The following PTPRD variants were observed in gnomAD, a reference collection of about 807,000 sequenced individuals.
The protein encoded by PTPRD is receptor-type tyrosine-protein phosphatase delta.
A neutral mutation model predicts 214.5 loss-of-function variants in PTPRD; 34 were observed. The observed-to-expected ratio is 0.16, with a 90% CI of 0.12 to 0.21. PTPRD has a LOEUF of 0.21. PTPRD is among the 10% of genes least tolerant of loss of function. The pLI is 1.00. For synonymous variants in PTPRD, 1,128 were observed against 845.7 expected (o/e 1.33, Z -5.79); for missense variants, 2,545 against 2,398.7 (o/e 1.06, Z -1.27).
chr9:9,983,736 C>A (rs546478357), intron 4 of PTPRD, among the ~76,000 whole-genome samples: 1 of 152,292 alleles, frequency 6.6e-6, no homozygotes, highest in East Asian at 1.9e-4. Flanking sequence ...ATGTGATCAA[C>A]AATTTGAAAA....
chr9:8,452,449 T>C lies in PTPRD; in HGVS notation c.3876-2612A>G, dbSNP rs1003998827. Among the ~76,000 whole-genome samples the C allele has an allele frequency of 5.3e-5, 8 of 152,216 alleles. No individual in the cohort carries two copies. In the East Asian group the frequency reaches 7.7e-4, roughly 15 times the overall value. ...CGTTGTCATAAAATATTAAAAGACATATAATGGTCTAAATTAGGCCCAACA... is the reference window on the plus strand; with the variant it reads ...CGTTGTCATAAAATATTAAAAGACACATAATGGTCTAAATTAGGCCCAACA... On this transcript the variant is annotated intron_variant, in intron 33 of 45. Coordinates refer to ENST00000381196, the MANE Select transcript of PTPRD (RefSeq NM_002839.4).
chr9:9,730,423 A>G (rs974233158), intron 7 of PTPRD, among the ~76,000 whole-genome samples: 1 of 152,088 alleles, frequency 6.6e-6, no homozygotes, highest in African/African-American at 2.4e-5. Flanking sequence ...TATTAATGAC[A>G]TGGTTTTACA....
rs748891295 is a variant in PTPRD, at chr9:8,847,193, TAAATC to T, written c.-103-113252_-103-113248del. 1.7e-4 allele frequency among the ~76,000 whole-genome samples: 26 copies of T among 152,166 alleles called. No homozygotes were observed. In the East Asian group the frequency reaches 3.1e-3, roughly 18 times the overall value. On this transcript the variant is annotated intron_variant, in intron 11 of 45. Transcript: ENST00000381196. ...TAAAATATTTTTTTTTTGGTACATA[TAAATC>T]AAATTCAGGTCGAGTCTGTTAAATA...
At chr9:10,551,477 G>C (rs2061345012) in intron 2 of PTPRD, among the ~76,000 whole-genome samples, 1 of 152,120 alleles carries the variant, frequency 6.6e-6, no homozygotes, top group Admixed American at 6.5e-5. Flanking sequence ...TTAGGGAGTA[G>C]AGACTTTTAA....
At chr9:10,455,682 T>C (rs141556940) in intron 2 of PTPRD, among the ~76,000 whole-genome samples, 1 of 151,820 alleles carries the variant, frequency 6.6e-6, no homozygotes, top group Non-Finnish European at 1.5e-5. Context: ...TCATCCTTTG[T>C]TGAGAACCAA....
intron 10 of PTPRD, among the ~76,000 whole-genome samples, chr9:9,036,229 G>A (rs545108258): frequency 6.6e-6 from 1 of 150,940 alleles, no homozygotes; most frequent in South Asian, 2.1e-4. Context: ...AAAAAACTTG[G>A]CAGGTTGTAT....
chr9:9,269,770 C>T (rs555928456), intron 9 of PTPRD, among the ~76,000 whole-genome samples: 2 of 151,198 alleles, frequency 1.3e-5, no homozygotes, highest in Non-Finnish European at 3.0e-5. Flanking sequence ...AAGAAAAATA[C>T]TGCATGATTC....
At chr9:9,439,936 A>T (rs896740417) in intron 8 of PTPRD, among the ~76,000 whole-genome samples, 3 of 152,178 alleles carry the variant, frequency 2.0e-5, no homozygotes, top group Non-Finnish European at 4.4e-5. Flanking sequence ...TTCAAACTTG[A>T]TGTCAAAACC....
At chr9:10,567,479 C>G (rs769719348) in intron 2 of PTPRD, among the ~76,000 whole-genome samples, 2 of 151,994 alleles carry the variant, frequency 1.3e-5, no homozygotes, top group African/African-American at 2.4e-5. Context: ...TTCCAAAGAA[C>G]ACCACCATAA....
intron 10 of PTPRD, among the ~76,000 whole-genome samples, chr9:9,060,289 G>C (rs1474078099): frequency 1.3e-5 from 2 of 152,062 alleles, no homozygotes; most frequent in Non-Finnish European, 2.9e-5. Flanking sequence ...GTGTGCATCA[G>C]AGCAGTAGGA....
Position 10,013,018 on chromosome 9 carries a change from A to T in PTPRD, c.-472+20700T>A, listed in dbSNP as rs531281578. 7.8e-4 allele frequency among the ~76,000 whole-genome samples: 119 copies of T among 152,104 alleles called. 3 individuals are homozygous for T. In the South Asian group the frequency reaches 0.016, roughly 20 times the overall value. On this transcript the variant is annotated intron_variant, in intron 4 of 45. Transcript: ENST00000381196. Reference sequence around the variant, plus strand: ...CATTTCCATGATCTGTTAGAAAAGCATATCCGCTAGAGAATAGAATAAGCA... The same window carrying T: ...CATTTCCATGATCTGTTAGAAAAGCTTATCCGCTAGAGAATAGAATAAGCA...
chr9:9,348,629 G>A (rs2049877158), intron 9 of PTPRD, among the ~76,000 whole-genome samples: 1 of 152,066 alleles, frequency 6.6e-6, no homozygotes, highest in Admixed American at 6.6e-5. Flanking sequence ...GACAGGAGTT[G>A]GGGTAAGAGT....
At chr9:10,178,874 G>A (rs1286671782) in intron 3 of PTPRD, among the ~76,000 whole-genome samples, 2 of 151,780 alleles carry the variant, frequency 1.3e-5, no homozygotes, top group East Asian at 3.9e-4. Context: ...TGTCCCGGTT[G>A]AAACTACAAT....
At chr9:10,541,311 C>A (rs1460403068) in intron 2 of PTPRD, among the ~76,000 whole-genome samples, 1 of 151,986 alleles carries the variant, frequency 6.6e-6, no homozygotes, top group Non-Finnish European at 1.5e-5. Flanking sequence ...CTGTCATTTC[C>A]ACAGAAAAAC....
chr9:9,962,300 A>C (rs1464379528), intron 4 of PTPRD, among the ~76,000 whole-genome samples: 1 of 148,634 alleles, frequency 6.7e-6, no homozygotes, highest in Non-Finnish European at 1.5e-5. Flanking sequence ...GAAAGTGATA[A>C]CAGAAAACAA....
rs146854479 is a variant in PTPRD, at chr9:9,726,768, A to G, written c.-287+7765T>C. 1.7e-3 allele frequency among the ~76,000 whole-genome samples: 253 copies of G among 152,292 alleles called. 1 individual carries two copies. Among genetic ancestry groups the G allele is most frequent in the African/African-American group, 5.7e-3 (236 of 41,564 alleles). On this transcript the variant is annotated intron_variant, in intron 7 of 45. Transcript: ENST00000381196. ...CATTAGAGTTTGTATAGCAAGAATGATACACAGGCTCAGGCAAAGTGGAAA... is the reference window on the plus strand; with the variant it reads ...CATTAGAGTTTGTATAGCAAGAATGGTACACAGGCTCAGGCAAAGTGGAAA...
At chr9:8,949,476 G>C (rs2099090231) in intron 11 of PTPRD, among the ~76,000 whole-genome samples, 1 of 148,236 alleles carries the variant, frequency 6.7e-6, no homozygotes, top group Admixed American at 6.9e-5. Context: ...AGCTGGATTA[G>C]TCATAAATAA....
At chr9:9,188,995 T>A (rs900325783) in intron 9 of PTPRD, among the ~76,000 whole-genome samples, 1 of 152,100 alleles carries the variant, frequency 6.6e-6, no homozygotes, top group Non-Finnish European at 1.5e-5. Flanking sequence ...AAGCTAGCCA[T>A]GAAGAACTAC....
At chr9:9,808,210 C>T (rs117193896) in intron 5 of PTPRD, among the ~76,000 whole-genome samples, 3,705 of 152,176 alleles carry the variant, frequency 0.024, 61 homozygotes, top group Middle Eastern at 0.058. Context: ...GCACAGAGAA[C>T]GATTCTCCAA....
Sources: allele counts gnomAD v4.1 joint callset (sites outside exome capture counted in the v4.1 genomes callset), GRCh38; gene constraint gnomAD v4.1.1; transcripts MANE v1.5; gene names NCBI Gene and HGNC (gene_info 2026-07-23, HGNC 2026-07-21).